Variants in RBMS3 observed in about 807,000 individuals in gnomAD.
The protein encoded by RBMS3 is RNA-binding motif, single-stranded-interacting protein 3.
In RBMS3, 27 loss-of-function variants were observed where a neutral mutation model predicts 66.8. That is an observed-to-expected ratio of 0.40 (90% CI 0.30 to 0.56). The LOEUF (loss-of-function observed/expected upper bound fraction) is 0.56, where lower values mean the gene tolerates loss of function less well. RBMS3 is among the 20% of genes least tolerant of loss of function. RBMS3 has a pLI of 0.40. For missense variants in RBMS3, 513 were observed against 549.5 expected (o/e 0.93, Z 0.66); for synonymous variants, 188 against 183.0 (o/e 1.03, Z -0.22).
At chr3:29,991,587 T>TA (rs1698877658) in intron 14 of RBMS3, 1 of 172,588 alleles carries the variant, frequency 5.8e-6, no homozygotes, top group South Asian at 1.5e-4. Context: ...CAAGCACTCT[T>TA]AATTCTGTTT....
At chr3:29,818,279 C>T (rs2057973605) in intron 6 of RBMS3, among the ~76,000 whole-genome samples, 1 of 151,706 alleles carries the variant, frequency 6.6e-6, no homozygotes, top group Admixed American at 6.6e-5. Flanking sequence ...TGTTTTTTCT[C>T]CTTTCATTTA....
chr3:29,394,945 T>C (rs1358059650), intron 1 of RBMS3, among the ~76,000 whole-genome samples: 2 of 152,196 alleles, frequency 1.3e-5, no homozygotes, highest in Admixed American at 6.5e-5. Context: ...CCTTCCAGAC[T>C]TTGTTCAAAA....
At chr3:29,501,137 C>T (rs1397488742) in intron 3 of RBMS3, among the ~76,000 whole-genome samples, 1 of 152,130 alleles carries the variant, frequency 6.6e-6, no homozygotes, top group East Asian at 1.9e-4. Context: ...AACAAGTTAA[C>T]ACTGCATATA....
intron 3 of RBMS3, among the ~76,000 whole-genome samples, chr3:29,585,105 C>A (rs534921018): frequency 6.6e-6 from 1 of 152,200 alleles, no homozygotes; most frequent in Admixed American, 6.5e-5. Context: ...TTTTCTCCCA[C>A]CACTATATAC....
chr3:29,768,441 T>C lies in RBMS3; in HGVS notation c.637+5452T>C, dbSNP rs1483870470. On this transcript the variant is annotated intron_variant, in intron 6 of 14. Coordinates refer to ENST00000383767, the MANE Select transcript of RBMS3 (RefSeq NM_001003793.3). ...CTAAATCTTTGTATGAGAAGCTAAATAGAGAAGGAAAAAGTTTCATCTTCA... is the reference window on the plus strand; with the variant it reads ...CTAAATCTTTGTATGAGAAGCTAAACAGAGAAGGAAAAAGTTTCATCTTCA... 2.0e-5 allele frequency among the ~76,000 whole-genome samples: 3 copies of C among 151,724 alleles called. No individual in the cohort carries two copies. The Admixed American group carries it at 2.0e-4, about 10-fold the overall frequency.
intron 1 of RBMS3, among the ~76,000 whole-genome samples, chr3:29,313,711 G>C (rs1173141550): frequency 6.6e-6 from 1 of 151,630 alleles, no homozygotes; most frequent in African/African-American, 2.4e-5. Flanking sequence ...TGTTAAAAAG[G>C]CATGATGCTT....
intron 2 of RBMS3, among the ~76,000 whole-genome samples, chr3:29,455,171 G>T (rs962764232): frequency 6.6e-6 from 1 of 151,994 alleles, no homozygotes; most frequent in African/African-American, 2.4e-5. Context: ...GTATGTTCCC[G>T]TTTCACTTTG....
chr3:29,776,911 A>T (rs2056446844), intron 6 of RBMS3, among the ~76,000 whole-genome samples: 1 of 151,912 alleles, frequency 6.6e-6, no homozygotes, highest in Non-Finnish European at 1.5e-5. Flanking sequence ...GATAATTGGA[A>T]AGAGTATAGC....
chr3:29,313,890 G>C (rs933274617), intron 1 of RBMS3, among the ~76,000 whole-genome samples: 3 of 151,606 alleles, frequency 2.0e-5, no homozygotes, highest in African/African-American at 7.3e-5. Context: ...GTTGACTTTC[G>C]GCAAAAGGAA....
intron 7 of RBMS3, among the ~76,000 whole-genome samples, chr3:29,881,490 C>T (rs1224814709): frequency 2.6e-5 from 4 of 152,054 alleles, no homozygotes; most frequent in Admixed American, 2.0e-4. Flanking sequence ...AAATAATTTG[C>T]CCAAAGTCAC....
intron 12 of RBMS3, among the ~76,000 whole-genome samples, chr3:29,962,776 TA>T (rs1242693712): frequency 6.6e-6 from 1 of 152,110 alleles, no homozygotes; most frequent in African/African-American, 2.4e-5. Flanking sequence ...TATATAAAAC[TA>T]GAAATAAATC....
At chr3:29,397,026 G>T (rs1177214039) in intron 1 of RBMS3, among the ~76,000 whole-genome samples, 3 of 152,130 alleles carry the variant, frequency 2.0e-5, no homozygotes, top group Admixed American at 1.3e-4. Flanking sequence ...AGCCTGCTGA[G>T]TGTTTAATAA....
chr3:29,776,054 G>A (rs536992132), intron 6 of RBMS3, among the ~76,000 whole-genome samples: 38 of 151,904 alleles, frequency 2.5e-4, no homozygotes, highest in African/African-American at 9.2e-4. Context: ...TTTAAAGGAC[G>A]CAACTCAATA....
At chr3:29,895,618 C>T (rs1427420841) in intron 8 of RBMS3, among the ~76,000 whole-genome samples, 1 of 151,200 alleles carries the variant, frequency 6.6e-6, no homozygotes, top group Admixed American at 6.6e-5. Flanking sequence ...ATTGATGTGC[C>T]ACAGTTTATT....
chr3:29,899,737 A>G lies in RBMS3; in HGVS notation c.921A>G (p.Pro307=), dbSNP rs753828992. 1.9e-6 allele frequency: 3 copies of G among 1,610,578 alleles called. No individual in the cohort carries two copies. Among genetic ancestry groups the G allele is most frequent in the East Asian group, 4.5e-5 (2 of 44,788 alleles). The change falls in exon 10 of 15, where the codon CCA becomes CCG. Residue 307 remains proline (P), a synonymous_variant. Coordinates refer to ENST00000383767, the MANE Select transcript of RBMS3 (RefSeq NM_001003793.3). ...GTACTTCATGGATGCCTCATCCGCC[A>G]TACGTTATGCAACCAACAGTAAGTG... ...VQSTSWMPHP[P]YVMQPTGAVI... is the part of the protein sequence containing the mutation.
chr3:29,868,827 T>C, intron 6 of RBMS3, 31 bp from the exon 7 acceptor site: 4 of 1,535,504 alleles, frequency 2.6e-6, no homozygotes, highest in Non-Finnish European at 3.6e-6. Flanking sequence ...GGGGGAGTTG[T>C]TAATGTAGAA....
chr3:29,572,516 C>G (rs1251038454), intron 3 of RBMS3, among the ~76,000 whole-genome samples: 1 of 152,082 alleles, frequency 6.6e-6, no homozygotes, highest in African/African-American at 2.4e-5. Context: ...CAGCATCAAT[C>G]AAAATGATCA....
Position 29,369,568 on chromosome 3 carries a change from G to A in RBMS3, c.76-65175G>A, listed in dbSNP as rs796765050. Among the ~76,000 whole-genome samples, 8 of 148,908 alleles carry A rather than the reference G, an allele frequency of 5.4e-5. No homozygotes were observed. In the South Asian group the frequency reaches 1.5e-3, roughly 28 times the overall value. On this transcript the variant is annotated intron_variant, in intron 1 of 14. Transcript: ENST00000383767. ...GGGTGAGGAGGAGAGAGGGAACAAT[G>A]AAGAAAAAGTTCTGCTAATTAAGGG...
intron 2 of RBMS3, among the ~76,000 whole-genome samples, chr3:29,452,817 T>A (rs2042057824): frequency 6.6e-6 from 1 of 152,192 alleles, no homozygotes; most frequent in Non-Finnish European, 1.5e-5. Flanking sequence ...CCAGGAATTT[T>A]ATAATAAACA....
Sources: allele counts gnomAD v4.1 joint callset (sites outside exome capture counted in the v4.1 genomes callset), GRCh38; gene constraint gnomAD v4.1.1; transcripts MANE v1.5; gene names NCBI Gene and HGNC (gene_info 2026-07-23, HGNC 2026-07-21).